The following FRK variants were observed in gnomAD, a reference collection of about 807,000 sequenced individuals.
FRK encodes fyn related Src family tyrosine kinase.
A neutral mutation model predicts 56.4 loss-of-function variants in FRK; 51 were observed. That is an observed-to-expected ratio of 0.90 (90% confidence interval 0.72 to 1.14). FRK has a LOEUF of 1.14. FRK is among the 50% of genes most tolerant of loss of function. The pLI, the probability that FRK is intolerant of heterozygous loss-of-function variation, is 0.00. For synonymous variants in FRK, 245 were observed against 217.9 expected (o/e 1.12, Z -1.10); for missense variants, 570 against 601.4 (o/e 0.95, Z 0.55).
chr6:115,995,378 A>G (rs1466234376), intron 2 of FRK, among the ~76,000 whole-genome samples: 1 of 152,138 alleles, frequency 6.6e-6, no homozygotes, highest in East Asian at 1.9e-4. Flanking sequence ...AAATATAGCA[A>G]TTTCTCACAT....
At position 116,058,214 on chromosome 6, in the gene FRK, G is replaced by A. The variant is rs1777468678; in HGVS notation, c.344+1754C>T. ...CAGGACATAGAAATCATAAAGTAGTGAAAACAGATAAATGCACATAAGTGT... is the reference window on the plus strand; with the variant it reads ...CAGGACATAGAAATCATAAAGTAGTAAAAACAGATAAATGCACATAAGTGT... On this transcript the variant is annotated intron_variant, in intron 1 of 7. Transcript: ENST00000606080. 2.0e-5 allele frequency among the ~76,000 whole-genome samples: 3 copies of A among 152,108 alleles called. No individual in the cohort carries two copies. The South Asian group carries it at 6.2e-4, about 32-fold the overall frequency.
the FRK span, among the ~76,000 whole-genome samples, chr6:116,094,494 T>C: frequency 6.6e-6 from 1 of 152,230 alleles, no homozygotes; most frequent in Non-Finnish European, 1.5e-5. Flanking sequence ...TGGTAGACTT[T>C]GCTACAGATA....
In FRK at chr6:115,956,464, C is replaced by G; in HGVS notation, c.946G>C (p.Glu316Gln). The change falls in exon 5 of 8, where the codon GAA becomes CAA. Residue 316 changes from glutamate to glutamine, a missense_variant. Physicochemically the swap from Glu to Gln is conservative, Grantham distance 29. Transcript: ENST00000606080. Reference sequence around the variant, plus strand: ...GTCTTTAGCTTACTTTGGAGATATTCTTGCAGACTTCCATGTCTCATCAAC... The same window carrying G: ...GTCTTTAGCTTACTTTGGAGATATTGTTGCAGACTTCCATGTCTCATCAAC... ...TELMRHGSLQ[E>Q]YLQNDTGSKI... 6.5e-7 allele frequency: 1 copy of G among 1,530,536 alleles called. No individual in the cohort carries two copies. The highest frequency in any genetic ancestry group is 1.4e-5 in the South Asian group (1 of 73,680). The allele number at this position is 1,530,536 out of a possible 1,614,324, so 94.8% of individuals were successfully genotyped here.
At chr6:116,092,247 C>A in the FRK span, among the ~76,000 whole-genome samples, 203 of 152,298 alleles carry the variant, frequency 1.3e-3, 1 homozygote, top group African/African-American at 4.8e-3. Context: ...CTAACAAAAG[C>A]TATTCCTGAA....
At chr6:116,026,686 T>A (rs1452810804) in intron 1 of FRK, among the ~76,000 whole-genome samples, 13 of 151,934 alleles carry the variant, frequency 8.6e-5, no homozygotes, top group African/African-American at 3.1e-4. Flanking sequence ...AGGAGCCAAA[T>A]TCTTTGGGAT....
chr6:115,946,083 T>A (rs765945126), intron 5 of FRK, among the ~76,000 whole-genome samples: 1 of 152,220 alleles, frequency 6.6e-6, no homozygotes, highest in Admixed American at 6.6e-5. Flanking sequence ...GTCTGGAGAA[T>A]TAAAAGAATC....
chr6:115,951,222 G>T (rs1480320368), intron 5 of FRK, among the ~76,000 whole-genome samples: 1 of 151,992 alleles, frequency 6.6e-6, no homozygotes, highest in Admixed American at 6.5e-5. Context: ...ATTTATAAAA[G>T]ACTTAGAAAT....
chr6:115,979,272 C>T (rs1319034787), intron 2 of FRK, among the ~76,000 whole-genome samples: 1 of 151,984 alleles, frequency 6.6e-6, no homozygotes, highest in Non-Finnish European at 1.5e-5. Context: ...ATTGATGATC[C>T]TGACCCTGAC....
chr6:115,945,221 A>ATATCCCAT, intron 5 of FRK, among the ~76,000 whole-genome samples: 1 of 152,136 alleles, frequency 6.6e-6, no homozygotes, highest in African/African-American at 2.4e-5. Context: ...TCCTTTGGTT[A>ATATCCCAT]TATATCCAGT....
the FRK span, among the ~76,000 whole-genome samples, chr6:116,097,027 G>T: frequency 1.3e-5 from 2 of 152,086 alleles, no homozygotes; most frequent in African/African-American, 4.8e-5. Flanking sequence ...AAACCACAGT[G>T]AAATTTCTAA....
At chr6:115,948,096 A>G (rs1253212021) in intron 5 of FRK, among the ~76,000 whole-genome samples, 1 of 152,174 alleles carries the variant, frequency 6.6e-6, no homozygotes, top group Non-Finnish European at 1.5e-5. Flanking sequence ...AGAGGCTGTG[A>G]CTTTGCCTTA....
chr6:116,009,113 C>T (rs1218196580), intron 1 of FRK, among the ~76,000 whole-genome samples: 1 of 152,152 alleles, frequency 6.6e-6, no homozygotes, highest in African/African-American at 2.4e-5. Flanking sequence ...GGACTGGTTA[C>T]AGCTTGATGT....
chr6:115,943,800 A>G (rs1036035528), intron 6 of FRK, among the ~76,000 whole-genome samples: 16 of 152,176 alleles, frequency 1.1e-4, no homozygotes, highest in Admixed American at 1.0e-3. Context: ...TATCTCCTAT[A>G]TAGTATCTTT....
intron 1 of FRK, among the ~76,000 whole-genome samples, chr6:116,030,590 C>A (rs910071751): frequency 2.0e-5 from 3 of 151,992 alleles, no homozygotes; most frequent in Admixed American, 6.6e-5. Flanking sequence ...TGATCATACC[C>A]ACGTGATAAA....
At chr6:116,028,570 G>A (rs1037203732) in intron 1 of FRK, among the ~76,000 whole-genome samples, 1 of 152,140 alleles carries the variant, frequency 6.6e-6, no homozygotes, top group East Asian at 1.9e-4. Context: ...CTCTCTCCTA[G>A]CTTCTGGTGT....
At chr6:116,032,439 A>T (rs1046719797) in intron 1 of FRK, among the ~76,000 whole-genome samples, 8 of 152,072 alleles carry the variant, frequency 5.3e-5, no homozygotes, top group Admixed American at 2.0e-4. Flanking sequence ...GGAAGGAGTG[A>T]TCATTACAGA....
the FRK span, among the ~76,000 whole-genome samples, chr6:116,098,112 TTTTTTTTTTTTTTTTA>T: frequency 8.1e-6 from 1 of 123,730 alleles, no homozygotes; most frequent in Admixed American, 8.3e-5. Flanking sequence ...TTTTTTTTTT[TTTTTTTTTTTTTTTTA>T]AAAGACAGGG....
chr6:116,042,470 A>G (rs549757233), intron 1 of FRK, among the ~76,000 whole-genome samples: 13 of 152,374 alleles, frequency 8.5e-5, no homozygotes, highest in Non-Finnish European at 1.5e-4. Flanking sequence ...CCAAAATTTT[A>G]TATCCAGACA....
the FRK span, among the ~76,000 whole-genome samples, chr6:116,089,451 T>C: frequency 0.34 from 51,985 of 152,118 alleles, 11,308 homozygotes; most frequent in East Asian, 0.77. Flanking sequence ...AGGGCTGCCA[T>C]AACAATATGC....
Sources: gnomAD v4.1 joint callset for allele counts (sites outside exome capture counted in the v4.1 genomes callset) on GRCh38, gnomAD v4.1.1 for gene constraint, MANE v1.5 for transcripts, NCBI Gene and HGNC (gene_info 2026-07-23, HGNC 2026-07-21) for gene names.